Variants in MCC observed in about 807,000 individuals in gnomAD.
MCC encodes the protein colorectal mutant cancer protein.
In MCC, 90 loss-of-function variants were observed where a neutral mutation model predicts 116.2. That is an observed-to-expected ratio of 0.77 (90% CI 0.65 to 0.92). The LOEUF (loss-of-function observed/expected upper bound fraction) is 0.92. MCC is among the 40% of genes least tolerant of loss of function. MCC has a pLI of 0.00. For synonymous variants in MCC, 578 were observed against 510.5 expected, an observed-to-expected ratio of 1.13 and a Z score of -1.78; for missense variants, 1,516 against 1,312.2, an observed-to-expected ratio of 1.16 and a Z score of -2.40.
chr5:113,194,601 C>T (rs972122587), intron 3 of MCC, among the ~76,000 whole-genome samples: 4 of 151,954 alleles, frequency 2.6e-5, no homozygotes, highest in Non-Finnish European at 4.4e-5. Context: ...GAGGCTGCAG[C>T]GAACCAAGAT....
intron 1 of MCC, among the ~76,000 whole-genome samples, chr5:113,454,331 T>G (rs1002324578): frequency 6.6e-6 from 1 of 152,070 alleles, no homozygotes; most frequent in South Asian, 2.1e-4. Context: ...TCTACAACTC[T>G]TGGGCTCAAG....
intron 6 of MCC, among the ~76,000 whole-genome samples, chr5:113,107,039 T>C (rs1756778847): frequency 6.6e-6 from 1 of 152,178 alleles, no homozygotes; most frequent in Non-Finnish European, 1.5e-5. Context: ...CTACTAAACG[T>C]AAGTTCCAGG....
intron 3 of MCC, among the ~76,000 whole-genome samples, chr5:113,257,462 G>A (rs770721920): frequency 6.6e-6 from 1 of 152,128 alleles, no homozygotes; most frequent in Non-Finnish European, 1.5e-5. Flanking sequence ...GTGAAGAAGA[G>A]GGAGCAATCA....
chr5:113,117,697 G>A (rs934646353), intron 6 of MCC, among the ~76,000 whole-genome samples: 2 of 152,228 alleles, frequency 1.3e-5, no homozygotes. Flanking sequence ...AACAGAGGTG[G>A]GGAAAATGGT....
At chr5:113,043,480 G>T in intron 17 of MCC, 50 bp downstream of exon 17, 1 of 1,493,808 alleles carries the variant, frequency 6.7e-7, no homozygotes. Context: ...TCAGAACAAA[G>T]TCTCCATGCC....
chr5:113,124,921 C>T (rs1407832707), intron 5 of MCC, among the ~76,000 whole-genome samples: 1 of 152,162 alleles, frequency 6.6e-6, no homozygotes, highest in East Asian at 1.9e-4. Context: ...TGGGGAGTGA[C>T]CAAAGAAGAC....
chr5:113,220,057 C>CTTTTT lies in MCC; in HGVS notation c.628-68640_628-68636dup, dbSNP rs1229213218. ...AACTTTGGAATCTGCATGTCAATTTCTTTTTCTTTTTTTTTTTTGAGACGG... is the reference window on the plus strand; with the variant it reads ...AACTTTGGAATCTGCATGTCAATTTCTTTTTTTTTTCTTTTTTTTTTTTGAGACGG... On this transcript the variant is annotated intron_variant, in intron 3 of 18. Transcript: ENST00000408903. 5.4e-4 allele frequency among the ~76,000 whole-genome samples: 43 copies of CTTTTT among 79,538 alleles called. 8 individuals are homozygous for CTTTTT. Among genetic ancestry groups the CTTTTT allele is most frequent in the Admixed American group, 8.8e-4 (7 of 7,996 alleles). 52.2% of individuals were successfully genotyped at this position (79,538 alleles called of 152,430 possible). A position where few individuals can be genotyped will look rare whatever the true frequency, so the allele number is the denominator to read the frequency against.
At chr5:113,030,064 A>C (rs1750849167) in intron 17 of MCC, among the ~76,000 whole-genome samples, 1 of 152,248 alleles carries the variant, frequency 6.6e-6, no homozygotes, top group African/African-American at 2.4e-5. Context: ...GCATATTAAG[A>C]AACCAGGATT....
chr5:113,112,681 T>C (rs1012984576), intron 6 of MCC, among the ~76,000 whole-genome samples: 52 of 152,176 alleles, frequency 3.4e-4, no homozygotes, highest in African/African-American at 1.2e-3. Context: ...GCCCTAAAAG[T>C]TGATGATTTC....
chr5:113,293,964 G>C lies in MCC; in HGVS notation c.627+46555C>G, dbSNP rs1402681434. Among the ~76,000 whole-genome samples the C allele has an allele frequency of 2.0e-5, 3 of 152,200 alleles. No homozygotes were observed. In the East Asian group the frequency reaches 5.8e-4, roughly 29 times the overall value. The stretch of plus-strand genomic sequence containing the variant: ...TAGTTACCGTCGGCTTAAACTCATC[G>C]GGAATGTCCGTGTATTTTACCGATC... On this transcript the variant is annotated intron_variant, in intron 3 of 18. Transcript: ENST00000408903.
At chr5:113,211,248 G>A (rs532721895) in intron 3 of MCC, among the ~76,000 whole-genome samples, 2 of 152,198 alleles carry the variant, frequency 1.3e-5, no homozygotes, top group African/African-American at 4.8e-5. Context: ...GAAGGTGGCT[G>A]TCTATAAACC....
intron 6 of MCC, among the ~76,000 whole-genome samples, chr5:113,107,525 T>C (rs1337496256): frequency 6.6e-6 from 1 of 152,114 alleles, no homozygotes; most frequent in East Asian, 1.9e-4. Flanking sequence ...GCAGAGGCCC[T>C]TTGGAGATGG....
chr5:113,270,914 T>C (rs946802224), intron 3 of MCC, among the ~76,000 whole-genome samples: 3 of 151,916 alleles, frequency 2.0e-5, no homozygotes, highest in Non-Finnish European at 4.4e-5. Context: ...GCAAAAAATA[T>C]ATATATATAC....
chr5:113,084,755 C>CT (rs992620756), intron 9 of MCC, among the ~76,000 whole-genome samples: 2 of 152,240 alleles, frequency 1.3e-5, no homozygotes, highest in South Asian at 2.1e-4. Flanking sequence ...ATCTATTTTT[C>CT]TTTTTTTGTG....
chr5:113,237,624 G>A (rs962662047), intron 3 of MCC, among the ~76,000 whole-genome samples: 44 of 152,136 alleles, frequency 2.9e-4, no homozygotes, highest in Non-Finnish European at 2.9e-5. Context: ...AGGGGAAAAC[G>A]GGCCGGCTGT....
intron 3 of MCC, among the ~76,000 whole-genome samples, chr5:113,323,475 T>C (rs1012442162): frequency 6.6e-6 from 1 of 151,834 alleles, no homozygotes; most frequent in Middle Eastern, 3.2e-3. Context: ...GGGTGGAAGG[T>C]GGTGGCAGTG....
chr5:113,403,633 G>A (rs1213468402), intron 1 of MCC, among the ~76,000 whole-genome samples: 3 of 152,112 alleles, frequency 2.0e-5, no homozygotes, highest in Admixed American at 6.5e-5. Flanking sequence ...AGTTCCAGCC[G>A]GAGTAATAAC....
chr5:113,383,097 T>A (rs1056201589), intron 2 of MCC, among the ~76,000 whole-genome samples: 6 of 152,222 alleles, frequency 3.9e-5, no homozygotes, highest in African/African-American at 1.4e-4. Context: ...TCAAACCAGT[T>A]CCTTTTAGGA....
intron 3 of MCC, among the ~76,000 whole-genome samples, chr5:113,315,318 T>G (rs189714101): frequency 1.0e-3 from 155 of 152,304 alleles, no homozygotes; most frequent in African/African-American, 3.6e-3. Flanking sequence ...GTTTTATTAT[T>G]AGAAATTGAA....
Sources: allele counts gnomAD v4.1 joint callset (sites outside exome capture counted in the v4.1 genomes callset), GRCh38; gene constraint gnomAD v4.1.1; transcripts MANE v1.5; gene names NCBI Gene and HGNC (gene_info 2026-07-23, HGNC 2026-07-21).